Variants in VPS35L observed in about 807,000 individuals in gnomAD.
VPS35L encodes VPS35 endosomal protein-sorting factor-like.
VPS35L carries 83 observed loss-of-function variants against 133.0 expected under a neutral mutation model. The observed-to-expected ratio is 0.62, with a 90% CI of 0.52 to 0.75. VPS35L has a LOEUF of 0.75. VPS35L is among the 30% of genes least tolerant of loss of function. The pLI, the probability that VPS35L is intolerant of heterozygous loss-of-function variation, is 0.00. For synonymous variants in VPS35L, 423 were observed against 449.9 expected, an observed-to-expected ratio of 0.94 and a Z score of 0.76; for missense variants, 1,083 against 1,206.8, an observed-to-expected ratio of 0.90 and a Z score of 1.52.
chr16:19,566,234 A>C (rs1316847273), intron 2 of VPS35L, among the ~76,000 whole-genome samples: 1 of 152,116 alleles, frequency 6.6e-6, no homozygotes. Flanking sequence ...CATGCCTCAC[A>C]CCCGTAATTT....
intron 27 of VPS35L, among the ~76,000 whole-genome samples, chr16:19,677,672 G>A (rs1305128540): frequency 6.6e-6 from 1 of 152,204 alleles, no homozygotes. Flanking sequence ...CGAGCTGCTG[G>A]TGAGACAGAC....
intron 1 of VPS35L, among the ~76,000 whole-genome samples, chr16:19,556,309 C>T (rs1479292149): frequency 6.6e-6 from 1 of 151,478 alleles, no homozygotes; most frequent in Non-Finnish European, 1.5e-5. Flanking sequence ...TCGGATGAGG[C>T]ACCAAGAAGG....
intron 1 of VPS35L, among the ~76,000 whole-genome samples, chr16:19,562,256 G>C (rs921745676): frequency 6.6e-6 from 1 of 152,130 alleles, no homozygotes; most frequent in African/African-American, 2.4e-5. Context: ...TAGCCAAGTG[G>C]GGGTAGAAGA....
chr16:19,647,501 CCTT>C (rs1243973542), intron 23 of VPS35L, among the ~76,000 whole-genome samples: 5 of 152,292 alleles, frequency 3.3e-5, no homozygotes, highest in Non-Finnish European at 7.3e-5. Flanking sequence ...CGATGGCAAA[CCTT>C]CTGACAAGGG....
intron 28 of VPS35L, among the ~76,000 whole-genome samples, chr16:19,686,634 G>T (rs1351893154): frequency 6.6e-6 from 1 of 152,070 alleles, no homozygotes; most frequent in African/African-American, 2.4e-5. Flanking sequence ...CATTTGCAGG[G>T]GACATCATTT....
chr16:19,624,476 T>C (rs895133416), intron 14 of VPS35L, among the ~76,000 whole-genome samples: 4 of 151,832 alleles, frequency 2.6e-5, no homozygotes, highest in African/African-American at 9.7e-5. Context: ...TCCCAGCTAC[T>C]CGGGAGGCTG....
Position 19,700,590 on chromosome 16 carries a change from A to G in VPS35L, c.*114A>G, listed in dbSNP as rs1414974593. 4 of 853,602 alleles carry G rather than the reference A, an allele frequency of 4.7e-6. No homozygotes were observed. Among genetic ancestry groups the G allele is most frequent in the East Asian group, 2.6e-5 (1 of 39,154 alleles). The allele number at this position is 853,602 out of a possible 1,614,324, so 52.9% of individuals were successfully genotyped here. ...TTTCTCATTTTTCTTTTCTTTTTAC[A>G]TATGTACAAATTGTTTTAAGCTTTG... On this transcript the variant is annotated 3_prime_UTR_variant, in exon 31 of 31. Transcript: ENST00000417362.
chr16:19,642,371 A>AT, intron 21 of VPS35L, 25 bp from the exon 22 acceptor site: 1 of 1,604,878 alleles, frequency 6.2e-7, no homozygotes, highest in South Asian at 1.1e-5. Context: ...CAAAACTTTG[A>AT]CTTTTATCTT....
Position 19,647,883 on chromosome 16 carries a change from G to C in VPS35L, c.2028+1G>C. On this transcript the variant is annotated splice_donor_variant, in intron 24 of 30. Transcript: ENST00000417362. LOFTEE classifies it high-confidence loss of function. ...GCCTGTTCTTGTGCAGTTGATTCAT[G>C]TAAGTATTTTCATTCATTAGTTTCT... 6.2e-7 allele frequency: 1 copy of C among 1,606,570 alleles called. No homozygotes were observed. The highest frequency in any genetic ancestry group is 8.5e-7 in the Non-Finnish European group (1 of 1,173,256).
At chr16:19,679,992 CT>C (rs1312738554) in intron 27 of VPS35L, among the ~76,000 whole-genome samples, 5 of 152,242 alleles carry the variant, frequency 3.3e-5, no homozygotes, top group African/African-American at 1.2e-4. Flanking sequence ...ATGCCTCCCC[CT>C]GTTCACAAGT....
chr16:19,570,433 C>T (rs1971325552), intron 3 of VPS35L, among the ~76,000 whole-genome samples: 1 of 152,148 alleles, frequency 6.6e-6, no homozygotes, highest in Non-Finnish European at 1.5e-5. Context: ...AAGTAAATCA[C>T]TCATTTTGAT....
At position 19,682,348 on chromosome 16, in the gene VPS35L, T is replaced by G. The variant is rs1193253039; in HGVS notation, c.2485T>G (p.Ser829Ala). ...CTACACCTGCGTCCTGCATCTCCTCTCCGCCATGAGCCAGGAGACGTACCT... is the reference window on the plus strand; with the variant it reads ...CTACACCTGCGTCCTGCATCTCCTCGCCGCCATGAGCCAGGAGACGTACCT... ...RIYTCVLHLL[S>A]AMSQETYLYH... The change falls in exon 28 of 31, where the codon TCC (serine) becomes GCC (alanine). Residue 829 changes from serine (S) to alanine (A), a missense_variant. By Grantham distance (99) the Ser-to-Ala change is moderately conservative. Transcript: ENST00000417362. The G allele has an allele frequency of 6.2e-7, 1 of 1,614,176 alleles. No homozygotes were observed. The highest frequency in any genetic ancestry group is 2.2e-5 in the East Asian group (1 of 44,876).
chr16:19,661,667 G>C (rs1340457780), intron 26 of VPS35L, among the ~76,000 whole-genome samples: 1 of 152,194 alleles, frequency 6.6e-6, no homozygotes, highest in Non-Finnish European at 1.5e-5. Context: ...GCTAATTAGA[G>C]AGGACCCTTC....
intron 8 of VPS35L, among the ~76,000 whole-genome samples, chr16:19,596,905 G>T (rs1328065975): frequency 6.6e-6 from 1 of 152,072 alleles, no homozygotes; most frequent in Admixed American, 6.6e-5. Context: ...TGTAATCCCA[G>T]CTACTCGGGA....
rs1483312393 is a variant in VPS35L at position 19,610,397 on chromosome 16, C to T, written c.1005C>T (p.Ala335=). 1 of 1,613,876 alleles carries T rather than the reference C, an allele frequency of 6.2e-7. No individual in the cohort carries two copies. Among genetic ancestry groups the T allele is most frequent in the East Asian group, 2.2e-5 (1 of 44,886 alleles). The change falls in exon 12 of 31, where the codon GCC becomes GCT. Residue 335 remains alanine, a synonymous_variant. Transcript: ENST00000417362. ...GIGDPLVSVY[A]RAYLCRVGME... is the part of the protein sequence containing the mutation. The stretch of plus-strand genomic sequence containing the variant: ...GAGACCCACTAGTGTCGGTGTATGC[C>T]CGTGCCTACCTGTGCCGGGTAGGCC...
chr16:19,656,888 TA>T (rs1170815570), intron 26 of VPS35L, among the ~76,000 whole-genome samples: 1 of 150,266 alleles, frequency 6.7e-6, no homozygotes, highest in Non-Finnish European at 1.5e-5. Context: ...TGAATTATGC[TA>T]AAAAGACTTG....
At chr16:19,632,316 A>G (rs1973482134) in intron 18 of VPS35L, among the ~76,000 whole-genome samples, 1 of 152,032 alleles carries the variant, frequency 6.6e-6, no homozygotes, top group Admixed American at 6.6e-5. Context: ...GATTTCCCCA[A>G]TTGTCTCATT....
At chr16:19,650,235 A>T in intron 24 of VPS35L, 147 bp from the exon 25 acceptor site, 1 of 669,584 alleles carries the variant, frequency 1.5e-6, no homozygotes, top group East Asian at 2.6e-5. Context: ...CCCCTTTGGC[A>T]TTTCAAGGTT....
chr16:19,568,298 G>A (rs1400636415), intron 2 of VPS35L, among the ~76,000 whole-genome samples: 1 of 148,366 alleles, frequency 6.7e-6, no homozygotes, highest in Non-Finnish European at 1.5e-5. Context: ...TCTTCAAACC[G>A]CCCCCCCCTT....
Sources: gnomAD v4.1 joint callset for allele counts (sites outside exome capture counted in the v4.1 genomes callset) on GRCh38, gnomAD v4.1.1 for gene constraint, MANE v1.5 for transcripts, NCBI Gene and HGNC (gene_info 2026-07-23, HGNC 2026-07-21) for gene names.